DLST: variants seen among roughly 807,000 people sequenced by gnomAD.
DLST encodes the protein dihydrolipoyllysine-residue succinyltransferase component of 2-oxoglutarate dehydrogenase complex, mitochondrial.
In DLST, 17 loss-of-function variants were observed where a neutral mutation model predicts 53.1. The ratio of observed to expected loss-of-function variants is 0.32; its 90% CI spans 0.22 to 0.48. The LOEUF is 0.48. Ranked by LOEUF, DLST falls within the 20% of genes least tolerant of loss-of-function variation. DLST has a pLI of 0.99. For synonymous variants in DLST, 206 were observed against 204.8 expected (o/e 1.01, Z -0.05); for missense variants, 512 against 583.9 (o/e 0.88, Z 1.27).
intron 3 of DLST, chr14:74,885,842 G>T: frequency 1.9e-6 from 1 of 533,708 alleles, no homozygotes; most frequent in Non-Finnish European, 3.3e-6. Context: ...TGGACTGGGA[G>T]TGTGCCCACT....
At chr14:74,886,608 A>C (rs774975823) in intron 3 of DLST, among the ~76,000 whole-genome samples, 1 of 152,226 alleles carries the variant, frequency 6.6e-6, no homozygotes, top group Non-Finnish European at 1.5e-5. Context: ...TGGAGGATAC[A>C]GGCGTGAGCT....
Position 74,885,668 on chromosome 14 carries a change from A to G in DLST, c.146+34A>G, listed in dbSNP as rs370164953. On this transcript the variant is annotated intron_variant, in intron 3 of 14. Transcript: ENST00000334220. ...CACTGGGGAGTACAGATATGTGGCCACGGGTTATTTATTTAAAGACATAAA... is the reference window on the plus strand; with the variant it reads ...CACTGGGGAGTACAGATATGTGGCCGCGGGTTATTTATTTAAAGACATAAA... The G allele has an allele frequency of 5.8e-5, 91 of 1,570,376 alleles. No homozygotes were observed. The African/African-American group carries it at 1.1e-3, about 18-fold the overall frequency.
rs1384565108 is a variant in DLST, at chr14:74,881,989, C to T, written c.36C>T (p.Phe12=). 3.2e-6 allele frequency: 5 copies of T among 1,572,970 alleles called. No individual in the cohort carries two copies. Among genetic ancestry groups the T allele is most frequent in the Admixed American group, 1.7e-5 (1 of 57,656 alleles). ...GATCCCGCTGTGTGTCTCGGGCGTT[C>T]AGCCGCTCGCTCTCCGCCTTCCAGA... ...LSRSRCVSRA[F]SRSLSAFQKG... is the part of the protein sequence containing the mutation. Residue 12 remains phenylalanine (F), a synonymous_variant, in exon 1 of 15, where the codon TTC becomes TTT. Coordinates refer to ENST00000334220, the MANE Select transcript of DLST (RefSeq NM_001933.5).
intron 14 of DLST, 123 bp from the exon 15 acceptor site, chr14:74,902,073 G>C: frequency 9.4e-7 from 1 of 1,058,624 alleles, no homozygotes; most frequent in East Asian, 2.8e-5. Context: ...TAAATATGCA[G>C]AGGCAACATC....
At chr14:74,894,133 C>T (rs1047607064) in intron 9 of DLST, among the ~76,000 whole-genome samples, 179 bp from the exon 10 acceptor site, 3 of 152,154 alleles carry the variant, frequency 2.0e-5, no homozygotes, top group African/African-American at 7.2e-5. Flanking sequence ...CCTGTGTTTG[C>T]ATGTTTTTGC....
Position 74,894,416 on chromosome 14 carries a change from T to A in DLST, c.770+7T>A, listed in dbSNP as rs563561334. ...TTAATGAGATTGACATGAGGTAGTG[T>A]CTCTAGTCCCTCTTATCCCCTAGGC... On this transcript the variant is annotated splice_region_variant and intron_variant, in intron 10 of 14. Transcript: ENST00000334220. 1 of 1,613,802 alleles carries A rather than the reference T, an allele frequency of 6.2e-7. No homozygotes were observed. The highest frequency in any genetic ancestry group is 2.2e-5 in the East Asian group (1 of 44,844).
chr14:74,899,777 A>G (rs780498262), intron 11 of DLST, 146 bp from the exon 12 acceptor site: 1 of 603,680 alleles, frequency 1.7e-6, no homozygotes, highest in African/African-American at 1.8e-5. Flanking sequence ...GCCAGCTGCC[A>G]TGCATAATGC....
At chr14:74,898,620 C>A in intron 11 of DLST, 121 bp downstream of exon 11, 3 of 1,218,758 alleles carry the variant, frequency 2.5e-6, no homozygotes, top group Non-Finnish European at 3.3e-6. Context: ...ATAGAAATAT[C>A]AGTATCTTCC....
At chr14:74,892,686 G>A in intron 7 of DLST, 148 bp from the exon 8 acceptor site, 1 of 737,862 alleles carries the variant, frequency 1.4e-6, no homozygotes. Context: ...TTATGTCATT[G>A]TGTGTGTGTC....
At chr14:74,891,199 C>T in intron 7 of DLST, 32 bp downstream of exon 7, 1 of 1,613,748 alleles carries the variant, frequency 6.2e-7, no homozygotes, top group South Asian at 1.1e-5. Flanking sequence ...TCAAGGTCTC[C>T]AGTGTTCCCT....
chr14:74,901,904 T>A (rs541829474), intron 14 of DLST, among the ~76,000 whole-genome samples: 14 of 151,986 alleles, frequency 9.2e-5, no homozygotes, highest in African/African-American at 3.4e-4. Context: ...CAGCCAGAAC[T>A]GAAGGGAAAA....
chr14:74,889,821 C>T (rs561395705), intron 5 of DLST, 76 bp from the exon 6 acceptor site: 26 of 1,465,066 alleles, frequency 1.8e-5, no homozygotes, highest in Middle Eastern at 1.7e-4. Flanking sequence ...TATAACATAC[C>T]TGCCAAAATG....
At chr14:74,891,997 T>A in intron 7 of DLST, 1 of 376,622 alleles carries the variant, frequency 2.7e-6, no homozygotes, top group Non-Finnish European at 3.7e-6. Context: ...ACATTTCATT[T>A]AAAGTTGTGA....
At chr14:74,898,537 A>C (rs1171983247) in intron 11 of DLST, 38 bp downstream of exon 11, 21 of 1,608,984 alleles carry the variant, frequency 1.3e-5, no homozygotes, top group Non-Finnish European at 1.7e-5. Flanking sequence ...AGGTCCTGGG[A>C]GGTAGGTGTA....
chr14:74,902,117 A>T, intron 14 of DLST, 79 bp from the exon 15 acceptor site: 2 of 1,402,018 alleles, frequency 1.4e-6, no homozygotes, highest in East Asian at 2.6e-5. Flanking sequence ...GAACTTTCTT[A>T]TGGGCTGTGC....
In DLST at chr14:74,889,078, G is replaced by T; in HGVS notation, c.147-17G>T. 6.2e-7 allele frequency: 1 copy of T among 1,613,800 alleles called. No homozygotes were observed. The highest frequency in any genetic ancestry group is 8.5e-7 in the Non-Finnish European group (1 of 1,179,954). ...GGTTCGCCTGTTAAAAGGAGTTAAC[G>T]TGTGTTTCTTTTGTAGCATTAACAA... On this transcript the variant is annotated splice_polypyrimidine_tract_variant and intron_variant, in intron 3 of 14. Transcript: ENST00000334220.
At chr14:74,893,177 C>T (rs932954522) in intron 8 of DLST, among the ~76,000 whole-genome samples, 171 bp from the exon 9 acceptor site, 1 of 152,114 alleles carries the variant, frequency 6.6e-6, no homozygotes, top group African/African-American at 2.4e-5. Context: ...TGTCTTTAGG[C>T]TAGTCACTTA....
At chr14:74,894,528 T>A in intron 10 of DLST, 119 bp downstream of exon 10, 1 of 1,116,758 alleles carries the variant, frequency 9.0e-7, no homozygotes, top group Non-Finnish European at 1.3e-6. Flanking sequence ...GGTATTTGTT[T>A]ATTGTTTTTT....
rs755141484 is a variant in DLST, at chr14:74,902,211, A to T, written c.1243A>T (p.Met415Leu). The T allele has an allele frequency of 4.4e-6, 7 of 1,603,914 alleles. No individual in the cohort carries two copies. The highest frequency in any genetic ancestry group is 8.5e-7 in the Non-Finnish European group (1 of 1,174,034). ...AIGGKVEVRP[M>L]MYVALTYDHR... ...CTCTCTGTAGGTAGAGGTGCGGCCCATGATGTACGTGGCACTGACCTATGA... is the reference window on the plus strand; with the variant it reads ...CTCTCTGTAGGTAGAGGTGCGGCCCTTGATGTACGTGGCACTGACCTATGA... The change falls in exon 15 of 15, where the codon ATG becomes TTG. Residue 415 changes from methionine (M) to leucine (L), a missense_variant. Physicochemically the swap from Met to Leu is conservative, Grantham distance 15. Coordinates refer to ENST00000334220, the MANE Select transcript of DLST (RefSeq NM_001933.5).
Sources: allele counts gnomAD v4.1 joint callset (sites outside exome capture counted in the v4.1 genomes callset), GRCh38; gene constraint gnomAD v4.1.1; transcripts MANE v1.5; gene names NCBI Gene and HGNC (gene_info 2026-07-23, HGNC 2026-07-21).